The following DACH2 variants were observed in gnomAD, a reference collection of about 807,000 sequenced individuals.
DACH2 encodes dachshund family transcription factor 2.
Under a neutral mutation model 35.8 loss-of-function variants are expected in DACH2, and 17 were observed. That is an observed-to-expected ratio of 0.48 (90% CI 0.33 to 0.71). The LOEUF is 0.71. Among genes scored for constraint, DACH2 ranks in the 30% least tolerant of loss-of-function variants. DACH2 has a pLI of 0.02. For synonymous variants in DACH2, 195 were observed against 177.3 expected, an observed-to-expected ratio of 1.10 and a Z score of -0.79; for missense variants, 469 against 472.7, an observed-to-expected ratio of 0.99 and a Z score of 0.07.
chrX:86,498,654 T>C (rs1047594846), intron 2 of DACH2, among the ~76,000 whole-genome samples: 3 of 112,476 alleles, frequency 2.7e-5, no homozygotes, highest in African/African-American at 9.7e-5. Context: ...TTACTTTGAA[T>C]CTTTAAATTT....
chrX:86,605,674 A>G (rs953045596), intron 3 of DACH2, among the ~76,000 whole-genome samples: 1 of 109,528 alleles, frequency 9.1e-6, no homozygotes, highest in Non-Finnish European at 1.9e-5. Context: ...TCTTATTCCA[A>G]TTATGCATAT....
At chrX:86,784,962 A>G (rs2042123086) in intron 7 of DACH2, among the ~76,000 whole-genome samples, 1 of 110,973 alleles carries the variant, frequency 9.0e-6, no homozygotes, top group Non-Finnish European at 1.9e-5. Context: ...AACAGCAGAC[A>G]CCAGTGCCTG....
At chrX:86,260,172 T>C (rs1287696617) in intron 1 of DACH2, among the ~76,000 whole-genome samples, 2 of 110,848 alleles carry the variant, frequency 1.8e-5, no homozygotes, top group African/African-American at 6.6e-5. Flanking sequence ...TTAAACCGGA[T>C]AAAACTTACT....
chrX:86,823,573 G>A (rs1602993494), intron 11 of DACH2, among the ~76,000 whole-genome samples: 1 of 112,137 alleles, frequency 8.9e-6, no homozygotes, highest in Non-Finnish European at 1.9e-5. Context: ...TTTCAAGAAA[G>A]CATCATTATT....
intron 7 of DACH2, among the ~76,000 whole-genome samples, chrX:86,776,814 A>T (rs2042037292): frequency 2.7e-5 from 3 of 110,605 alleles, no homozygotes; most frequent in Non-Finnish European, 5.7e-5. Flanking sequence ...TTTAATTCCC[A>T]CCTATGAGTG....
At chrX:86,498,454 C>T (rs1057223810) in intron 2 of DACH2, among the ~76,000 whole-genome samples, 1 of 111,867 alleles carries the variant, frequency 8.9e-6, no homozygotes, top group Non-Finnish European at 1.9e-5. Context: ...TTTATAAGAA[C>T]ATTGACAGTT....
intron 1 of DACH2, among the ~76,000 whole-genome samples, chrX:86,286,115 G>GTTT (rs753864299): frequency 0.03 from 1,360 of 45,746 alleles, 136 homozygotes; most frequent in African/African-American, 0.06. Context: ...CAGCCAGTCT[G>GTTT]TTTTTTTTTT....
chrX:86,631,162 C>A (rs1360777223), intron 3 of DACH2, among the ~76,000 whole-genome samples: 1 of 111,854 alleles, frequency 8.9e-6, no homozygotes, highest in Non-Finnish European at 1.9e-5. Flanking sequence ...AATGGTGATA[C>A]TTAAGAACCA....
chrX:86,371,860 T>C (rs1162158957), intron 1 of DACH2, among the ~76,000 whole-genome samples: 1 of 111,423 alleles, frequency 9.0e-6, no homozygotes, highest in Admixed American at 9.6e-5. Flanking sequence ...ACTGATGATG[T>C]CTGATGGGAG....
At chrX:86,715,398 G>A (rs1241815139) in intron 6 of DACH2, among the ~76,000 whole-genome samples, 1 of 111,334 alleles carries the variant, frequency 9.0e-6, no homozygotes, top group Non-Finnish European at 1.9e-5. Context: ...ATATTTCGTA[G>A]CTACCCCTTC....
chrX:86,225,592 G>A lies in DACH2; in HGVS notation c.488+76484G>A, dbSNP rs2032805944. ...ACAAGGTTTCTCCTTTAAAAAAAAAGTCTATAGCTAAAAAGTAGCTTATTT... is the reference window on the plus strand; with the variant it reads ...ACAAGGTTTCTCCTTTAAAAAAAAAATCTATAGCTAAAAAGTAGCTTATTT... On this transcript the variant is annotated intron_variant, in intron 1 of 11. Coordinates refer to ENST00000373125, the MANE Select transcript of DACH2 (RefSeq NM_053281.3). 3.6e-5 allele frequency among the ~76,000 whole-genome samples: 4 copies of A among 110,853 alleles called. No homozygotes were observed. In the South Asian group the frequency reaches 1.5e-3, roughly 42 times the overall value.
At chrX:86,419,249 C>T (rs759195874) in intron 2 of DACH2, among the ~76,000 whole-genome samples, 8 of 111,880 alleles carry the variant, frequency 7.2e-5, no homozygotes, top group East Asian at 2.8e-4. Flanking sequence ...TTTTCAGCAA[C>T]GCCCAACTCT....
chrX:86,572,725 T>C (rs942799091), intron 3 of DACH2, among the ~76,000 whole-genome samples: 12 of 111,799 alleles, frequency 1.1e-4, no homozygotes, highest in Non-Finnish European at 3.8e-5. Flanking sequence ...AAACCTGCCA[T>C]ACTGCTTCAA....
intron 2 of DACH2, among the ~76,000 whole-genome samples, chrX:86,464,370 G>A (rs961315286): frequency 2.3e-4 from 25 of 111,054 alleles, no homozygotes; most frequent in Admixed American, 1.8e-3. Context: ...TCCTTTGCAG[G>A]GACATGGATG....
chrX:86,628,328 A>C (rs184485694), intron 3 of DACH2, among the ~76,000 whole-genome samples: 45 of 112,061 alleles, frequency 4.0e-4, no homozygotes, highest in Admixed American at 2.2e-3. Context: ...CAGTGGATTG[A>C]ACCTCATTTT....
intron 3 of DACH2, among the ~76,000 whole-genome samples, chrX:86,583,104 A>G (rs777767236): frequency 2.7e-5 from 3 of 111,202 alleles, no homozygotes; most frequent in Admixed American, 9.6e-5. Flanking sequence ...CAGAACTAAA[A>G]ACAAAAAGTA....
At chrX:86,365,579 C>CA (rs1368589451) in intron 1 of DACH2, among the ~76,000 whole-genome samples, 1 of 111,314 alleles carries the variant, frequency 9.0e-6, no homozygotes, top group Admixed American at 9.6e-5. Flanking sequence ...ATAAGCATAA[C>CA]AAAAATGTAG....
intron 2 of DACH2, among the ~76,000 whole-genome samples, chrX:86,392,129 T>C (rs906195726): frequency 9.0e-6 from 1 of 111,502 alleles, no homozygotes; most frequent in Non-Finnish European, 1.9e-5. Flanking sequence ...ATTAATTTTA[T>C]ATTTGTTTTC....
chrX:86,627,645 G>A (rs938699312), intron 3 of DACH2, among the ~76,000 whole-genome samples: 2 of 111,556 alleles, frequency 1.8e-5, no homozygotes, highest in Non-Finnish European at 3.8e-5. Flanking sequence ...TTATTCAAAT[G>A]CAAACCTCTG....
Sources: allele counts gnomAD v4.1 joint callset (sites outside exome capture counted in the v4.1 genomes callset), GRCh38; gene constraint gnomAD v4.1.1; transcripts MANE v1.5; gene names NCBI Gene and HGNC (gene_info 2026-07-23, HGNC 2026-07-21).